The following SPDYA variants were observed in gnomAD, a reference collection of about 807,000 sequenced individuals.
The protein encoded by SPDYA is speedy protein A.
SPDYA carries 11 observed loss-of-function variants against 36.7 expected under a neutral mutation model. The observed-to-expected ratio is 0.30, with a 90% CI of 0.19 to 0.50. The LOEUF (loss-of-function observed/expected upper bound fraction) is 0.50. Ranked by LOEUF, SPDYA falls within the 20% of genes least tolerant of loss-of-function variation. The pLI is 0.98. For synonymous variants in SPDYA, 115 were observed against 118.7 expected, an observed-to-expected ratio of 0.97 and a Z score of 0.20; for missense variants, 287 against 370.9, an observed-to-expected ratio of 0.77 and a Z score of 1.86.
At chr2:28,823,608 A>C (rs1668226011) in intron 5 of SPDYA, among the ~76,000 whole-genome samples, 1 of 144,006 alleles carries the variant, frequency 6.9e-6, no homozygotes, top group Admixed American at 7.1e-5. Flanking sequence ...TGGGAGACAG[A>C]GCAAGACTCC....
At chr2:28,829,399 A>G in intron 6 of SPDYA, 80 bp downstream of exon 6, 2 of 1,386,512 alleles carry the variant, frequency 1.4e-6, no homozygotes, top group Non-Finnish European at 1.9e-6. Context: ...ATGTGCTTCT[A>G]ATGTTTTGGT....
At chr2:28,834,407 C>T (rs1668543553) in intron 6 of SPDYA, among the ~76,000 whole-genome samples, 1 of 152,078 alleles carries the variant, frequency 6.6e-6, no homozygotes, top group African/African-American at 2.4e-5. Flanking sequence ...TATGTCCACA[C>T]AAAAAACTTT....
intron 7 of SPDYA, among the ~76,000 whole-genome samples, chr2:28,843,319 G>T (rs1334923796): frequency 3.9e-5 from 6 of 152,272 alleles, no homozygotes; most frequent in Non-Finnish European, 7.4e-5. Flanking sequence ...GAGGCCAAGA[G>T]GGGGCGGATC....
At chr2:28,836,181 A>G (rs568814819) in intron 6 of SPDYA, among the ~76,000 whole-genome samples, 1 of 152,330 alleles carries the variant, frequency 6.6e-6, no homozygotes, top group Non-Finnish European at 1.5e-5. Context: ...AGCTAATGAA[A>G]CTGAGGACCG....
chr2:28,819,226 T>C (rs977216228), intron 4 of SPDYA, 120 bp downstream of exon 4: 1 of 736,042 alleles, frequency 1.4e-6, no homozygotes, highest in Admixed American at 2.8e-5. Flanking sequence ...AAAGAGCTAG[T>C]GGCCAGGTGC....
intron 6 of SPDYA, among the ~76,000 whole-genome samples, chr2:28,833,933 A>G (rs112823657): frequency 6.6e-6 from 1 of 152,152 alleles, no homozygotes; most frequent in African/African-American, 2.4e-5. Flanking sequence ...AAATGAAAAA[A>G]ATTTTTTGCA....
At chr2:28,827,219 C>T (rs1344416100) in intron 5 of SPDYA, among the ~76,000 whole-genome samples, 2 of 151,912 alleles carry the variant, frequency 1.3e-5, no homozygotes, top group African/African-American at 2.4e-5. Flanking sequence ...GGATTACAGG[C>T]GTGAGCCACC....
intron 1 of SPDYA, among the ~76,000 whole-genome samples, chr2:28,812,138 T>A (rs935869545): frequency 6.6e-6 from 1 of 152,212 alleles, no homozygotes; most frequent in African/African-American, 2.4e-5. Flanking sequence ...AAGCCTCAAA[T>A]TTCTTATCTA....
chr2:28,819,010 G>A (rs1322423413), intron 3 of SPDYA, 38 bp from the exon 4 acceptor site: 1 of 1,487,686 alleles, frequency 6.7e-7, no homozygotes, highest in Non-Finnish European at 9.3e-7. Flanking sequence ...GAAACATTCT[G>A]TTTTTAAAAG....
chr2:28,842,829 GGAT>G (rs1668780922), intron 7 of SPDYA, among the ~76,000 whole-genome samples: 1 of 152,092 alleles, frequency 6.6e-6, no homozygotes, highest in South Asian at 2.1e-4. Flanking sequence ...GGAGAGTGCA[GGAT>G]AATAGGAACA....
intron 3 of SPDYA, among the ~76,000 whole-genome samples, 190 bp from the exon 4 acceptor site, chr2:28,818,858 G>C (rs907651497): frequency 3.9e-5 from 6 of 152,180 alleles, no homozygotes; most frequent in African/African-American, 1.4e-4. Flanking sequence ...GGATAAAGCA[G>C]TAGTTTTTCG....
chr2:28,813,715 C>T (rs928444265), intron 1 of SPDYA, among the ~76,000 whole-genome samples: 1 of 152,054 alleles, frequency 6.6e-6, no homozygotes, highest in Non-Finnish European at 1.5e-5. Flanking sequence ...CCATGCCCAG[C>T]TAATTTTTGT....
intron 4 of SPDYA, among the ~76,000 whole-genome samples, chr2:28,821,694 G>A (rs1037415078): frequency 6.6e-6 from 1 of 152,266 alleles, no homozygotes; most frequent in South Asian, 2.1e-4. Flanking sequence ...TCTTACGAGA[G>A]ATAATCTGAT....
intron 7 of SPDYA, among the ~76,000 whole-genome samples, chr2:28,845,476 G>A (rs1405149965): frequency 6.6e-6 from 1 of 152,108 alleles, no homozygotes; most frequent in African/African-American, 2.4e-5. Flanking sequence ...AAAAAGTCTC[G>A]ATATATAAAT....
At position 28,816,230 on chromosome 2, in the gene SPDYA, T is replaced by A; in HGVS notation, c.216T>A (p.Thr72=). 6.3e-7 allele frequency: 1 copy of A among 1,599,738 alleles called. No individual in the cohort carries two copies. The highest frequency in any genetic ancestry group is 1.1e-5 in the South Asian group (1 of 87,912). ...PCLVIQRQDM[T]AFFKLFDDDL... ...TGGTTATACAGCGTCAGGATATGAC[T>A]GCTTTCTTTAAATTATTTGGTAGGT... The change falls in exon 3 of 8, where the codon ACT becomes ACA. Residue 72 remains threonine (T), a synonymous_variant. Transcript: ENST00000334056.
At chr2:28,818,921 C>T in intron 3 of SPDYA, 127 bp from the exon 4 acceptor site, 1 of 685,118 alleles carries the variant, frequency 1.5e-6, no homozygotes, top group Non-Finnish European at 2.5e-6. Context: ...CCACCTTAGG[C>T]AACACTGGTT....
At chr2:28,824,937 A>T (rs976203903) in intron 5 of SPDYA, among the ~76,000 whole-genome samples, 3 of 152,234 alleles carry the variant, frequency 2.0e-5, no homozygotes, top group Non-Finnish European at 4.4e-5. Flanking sequence ...ATTGCTAAAT[A>T]TAATAGTATT....
rs540561643 is a variant in SPDYA, at chr2:28,837,918, A to G, written c.553-2254A>G. On this transcript the variant is annotated intron_variant, in intron 6 of 7. Transcript: ENST00000334056. ...GAGATCACAGACAGGTAGAGTATAT[A>G]CACAGAAAAACAGAGGGCCAAGTAT... Among the ~76,000 whole-genome samples, 8 of 152,130 alleles carry G rather than the reference A, an allele frequency of 5.3e-5. No individual in the cohort carries two copies. In the East Asian group the frequency reaches 1.5e-3, roughly 29 times the overall value.
chr2:28,847,237 G>C (rs191972435), intron 7 of SPDYA, among the ~76,000 whole-genome samples: 97 of 152,140 alleles, frequency 6.4e-4, no homozygotes, highest in African/African-American at 2.3e-3. Flanking sequence ...CAGCTACTTG[G>C]GAGGCTAAGA....
Sources: allele counts gnomAD v4.1 joint callset (sites outside exome capture counted in the v4.1 genomes callset), GRCh38; gene constraint gnomAD v4.1.1; transcripts MANE v1.5; gene names NCBI Gene and HGNC (gene_info 2026-07-23, HGNC 2026-07-21).